Variants in PCDHGB3 observed in about 807,000 individuals in gnomAD.
PCDHGB3 encodes the protein protocadherin gamma subfamily B, 3.
PCDHGB3 carries 40 observed loss-of-function variants against 59.2 expected under a neutral mutation model. That is an observed-to-expected ratio of 0.68 (90% CI 0.52 to 0.88). The LOEUF is 0.88. Ranked by LOEUF, PCDHGB3 falls within the 40% of genes least tolerant of loss-of-function variation. The probability of loss-of-function intolerance (pLI) is 0.00; values close to 1 mark genes in which losing one functional copy is unlikely to be tolerated. For missense variants in PCDHGB3, 1,309 were observed against 1,187.9 expected (o/e 1.10, Z -1.50); for synonymous variants, 581 against 503.6 (o/e 1.15, Z -2.06).
chr5:141,423,531 C>T, intron 1 of PCDHGB3: 1 of 1,613,736 alleles, frequency 6.2e-7, no homozygotes, highest in South Asian at 1.1e-5. Context: ...AGAAGAGTCA[C>T]CTGATTTTCC....
At chr5:141,380,843 G>T (rs1262602096) in intron 1 of PCDHGB3, among the ~76,000 whole-genome samples, 2 of 152,142 alleles carry the variant, frequency 1.3e-5, no homozygotes, top group African/African-American at 4.8e-5. Flanking sequence ...AGGTAAAAAT[G>T]GATCAAGACA....
chr5:141,444,475 A>C (rs572738630), intron 1 of PCDHGB3, among the ~76,000 whole-genome samples: 2 of 152,110 alleles, frequency 1.3e-5, no homozygotes, highest in East Asian at 3.9e-4. Context: ...CCGGTCGCGT[A>C]CTGGATTTAT....
rs370582023 is a variant in PCDHGB3 at position 141,372,189 on chromosome 5, G to A, written c.1795G>A (p.Gly599Arg). ...GGTGGTGGCGGTGGACGCAGACTCG[G>A]GATACAACGCCTGGCTGTCCTACCA... The part of the protein sequence containing the change: ...TKVVAVDADS[G>R]YNAWLSYHIV... The change falls in exon 1 of 4, where the codon GGA (glycine) becomes AGA (arginine). Residue 599 changes from glycine (G) to arginine (R), a missense_variant. By Grantham distance (125) the Gly-to-Arg change is moderately radical (BLOSUM62 -2). Transcript: ENST00000576222. 3.7e-6 allele frequency: 6 copies of A among 1,613,500 alleles called. No homozygotes were observed. The African/African-American group carries it at 4.0e-5, about 11-fold the overall frequency.
intron 1 of PCDHGB3, chr5:141,410,107 G>A: frequency 3.1e-6 from 5 of 1,612,702 alleles, no homozygotes; most frequent in Non-Finnish European, 4.2e-6. Flanking sequence ...TAGGCGACAG[G>A]GACGCAGCCC....
In PCDHGB3 at chr5:141,490,925, C is replaced by T; in HGVS notation, c.2416-3882C>T. 1 of 1,613,688 alleles carries T rather than the reference C, an allele frequency of 6.2e-7. No homozygotes were observed. The highest frequency in any genetic ancestry group is 8.5e-7 in the Non-Finnish European group (1 of 1,179,700). On this transcript the variant is annotated intron_variant, in intron 1 of 3. Coordinates refer to ENST00000576222, the MANE Select transcript of PCDHGB3 (RefSeq NM_018924.5). The surrounding 1 kb of genome is among the most constrained non-coding windows in gnomAD (Gnocchi z 5.4). ...GTCCTAGACGAGAATGATAATGCCC[C>T]AGCTGTGCTGCACCCACGGCCAGAC... is the stretch of plus-strand genomic sequence containing the variant.
At chr5:141,373,897 C>G (rs1379272131) in intron 1 of PCDHGB3, 1 of 536,936 alleles carries the variant, frequency 1.9e-6, no homozygotes, top group Non-Finnish European at 3.1e-6. Context: ...ACTCAAGTTA[C>G]ATCCTCCAAC....
Position 141,489,629 on chromosome 5 carries a change from C to T in PCDHGB3, c.2416-5178C>T. Reference sequence around the variant, plus strand: ...GAGATCCTGGATCTCAATGACAACTCTCCTAGCTTTGCCACCCCTGAGCGA... The same window carrying T: ...GAGATCCTGGATCTCAATGACAACTTTCCTAGCTTTGCCACCCCTGAGCGA... On this transcript the variant is annotated intron_variant, in intron 1 of 3. Transcript: ENST00000576222. This position sits in a 1 kb window ranked among gnomAD's most constrained non-coding sequence, Gnocchi z 4.5. 6.2e-7 allele frequency: 1 copy of T among 1,614,142 alleles called. No homozygotes were observed. The highest frequency in any genetic ancestry group is 1.7e-5 in the Admixed American group (1 of 60,032).
intron 1 of PCDHGB3, among the ~76,000 whole-genome samples, chr5:141,452,271 C>A (rs1592214421): frequency 6.6e-6 from 1 of 152,108 alleles, no homozygotes. Flanking sequence ...TTTCTTGAAC[C>A]CTTTCTTACT....
intron 1 of PCDHGB3, chr5:141,383,711 A>G (rs201269369): frequency 5.5e-4 from 889 of 1,614,004 alleles, no homozygotes; most frequent in Non-Finnish European, 6.8e-4. Flanking sequence ...GACCTGGACG[A>G]GGGAGTCAAT....
chr5:141,490,993 C>G lies in PCDHGB3; in HGVS notation c.2416-3814C>G, dbSNP rs746618787. 1.9e-6 allele frequency: 3 copies of G among 1,614,140 alleles called. No individual in the cohort carries two copies. Among genetic ancestry groups the G allele is most frequent in the Non-Finnish European group, 2.5e-6 (3 of 1,180,030 alleles). On this transcript the variant is annotated intron_variant, in intron 1 of 3. Coordinates refer to ENST00000576222, the MANE Select transcript of PCDHGB3 (RefSeq NM_018924.5). The surrounding 1 kb of genome is among the most constrained non-coding windows in gnomAD (Gnocchi z 5.4). ...CCAGCGTCTCCCTCGCTCTGCTCCT[C>G]CTGGCTCCTTGGTCACCAAGGTGAC...
At chr5:141,438,741 A>T (rs1184994731) in intron 1 of PCDHGB3, among the ~76,000 whole-genome samples, 3 of 148,914 alleles carry the variant, frequency 2.0e-5, no homozygotes, top group South Asian at 2.1e-4. Context: ...AGCTCACTGC[A>T]ACCTCTGCCT....
At chr5:141,417,302 G>A (rs1267397415) in intron 1 of PCDHGB3, 1 of 152,270 alleles carries the variant, frequency 6.6e-6, no homozygotes, top group Non-Finnish European at 1.5e-5. Context: ...GCCTCTGGAT[G>A]GAGGAATTGG....
rs151105903 is a variant in PCDHGB3 at position 141,419,964 on chromosome 5, T to C, written c.2415+47155T>C. ...GTGGCCTTGGCCTTGATTTCTGTGC[T>C]CTTTCTCCTCGCGGTGATTCTAGCT... On this transcript the variant is annotated intron_variant, in intron 1 of 3. Transcript: ENST00000576222. 3.7e-6 allele frequency: 6 copies of C among 1,614,082 alleles called. No individual in the cohort carries two copies. Among genetic ancestry groups the C allele is most frequent in the Non-Finnish European group, 4.2e-6 (5 of 1,179,900 alleles).
At chr5:141,377,717 T>C (rs1025721438) in intron 1 of PCDHGB3, 1 of 152,222 alleles carries the variant, frequency 6.6e-6, no homozygotes, top group African/African-American at 2.4e-5. Context: ...AAATTATTTT[T>C]GAAAAGATAA....
chr5:141,457,337 TTAC>T (rs1446765287), intron 1 of PCDHGB3, among the ~76,000 whole-genome samples: 2 of 152,202 alleles, frequency 1.3e-5, no homozygotes, highest in Non-Finnish European at 2.9e-5. Flanking sequence ...GGTACCTTAC[TTAC>T]TTTCATTACC....
At chr5:141,380,091 G>A (rs538586012) in intron 1 of PCDHGB3, among the ~76,000 whole-genome samples, 1 of 151,688 alleles carries the variant, frequency 6.6e-6, no homozygotes, top group African/African-American at 2.4e-5. Context: ...GTAGAGATGG[G>A]GTTTTACCAT....
intron 1 of PCDHGB3, chr5:141,395,547 TGTGTGTGTGTGTG>T (rs2093269474): frequency 0.024 from 4,142 of 174,004 alleles, 329 homozygotes; most frequent in East Asian, 0.047. Flanking sequence ...ATTGTTTGTG[TGTGTGTGTGTGTG>T]TGTGTGTGTG....
chr5:141,383,620 G>C, intron 1 of PCDHGB3: 1 of 1,613,872 alleles, frequency 6.2e-7, no homozygotes, highest in Middle Eastern at 1.6e-4. Flanking sequence ...CCACACGCCT[G>C]TCTTCTCTCT....
intron 1 of PCDHGB3, among the ~76,000 whole-genome samples, chr5:141,463,438 C>CTTTTTTTTTTTTT (rs71576115): frequency 9.7e-6 from 1 of 103,256 alleles, no homozygotes; most frequent in Non-Finnish European, 1.9e-5. Context: ...TTTCCTTCTC[C>CTTTTTTTTTTTTT]TTTTTTTTTT....
Sources: gnomAD v4.1 joint callset for allele counts (sites outside exome capture counted in the v4.1 genomes callset) on GRCh38, gnomAD v4.1.1 for gene constraint, Gnocchi (gnomAD v3.1) non-coding constraint, MANE v1.5 for transcripts, NCBI Gene and HGNC (gene_info 2026-07-23, HGNC 2026-07-21) for gene names.